ARHGAP39: variants seen among roughly 807,000 people sequenced by gnomAD.
The protein encoded by ARHGAP39 is rho GTPase-activating protein 39.
A neutral mutation model predicts 106.9 loss-of-function variants in ARHGAP39; 44 were observed. That is an observed-to-expected ratio of 0.41 (90% CI 0.32 to 0.53). The LOEUF is 0.53. ARHGAP39 is among the 20% of genes least tolerant of loss of function. The pLI is 0.21. For missense variants in ARHGAP39, 1,496 were observed against 1,577.3 expected (o/e 0.95, Z 0.87); for synonymous variants, 768 against 693.2 (o/e 1.11, Z -1.69).
At chr8:144,691,536 C>A in the ARHGAP39 span, among the ~76,000 whole-genome samples, 2 of 152,166 alleles carry the variant, frequency 1.3e-5, no homozygotes, top group African/African-American at 4.8e-5. Context: ...ACAGTCACAA[C>A]AAGCAATTTA....
intron 1 of ARHGAP39, among the ~76,000 whole-genome samples, chr8:144,617,058 T>C (rs551746592): frequency 3.6e-4 from 54 of 151,988 alleles, no homozygotes; most frequent in African/African-American, 1.3e-3. Flanking sequence ...ATACAAAAAT[T>C]AACTGGGAAT....
In ARHGAP39 at chr8:144,670,664, C is replaced by T. The variant is rs1006700974; in HGVS notation, c.-82+15022G>A. ...CAGGGCTGCCACATGAGCTGATCCC[C>T]ACCATCTTCTCCTGCAGGCCCCAGA... is the stretch of plus-strand genomic sequence containing the variant. On this transcript the variant is annotated intron_variant, in intron 1 of 11. Transcript: ENST00000377307. The surrounding 1 kb of genome is among the most constrained non-coding windows in gnomAD (Gnocchi z 4.4). Among the ~76,000 whole-genome samples the T allele has an allele frequency of 2.6e-5, 4 of 152,128 alleles. No homozygotes were observed. The highest frequency in any genetic ancestry group is 9.7e-5 in the African/African-American group (4 of 41,406).
intron 1 of ARHGAP39, among the ~76,000 whole-genome samples, chr8:144,632,274 G>A (rs904477403): frequency 8.5e-5 from 13 of 152,140 alleles, no homozygotes; most frequent in Admixed American, 5.2e-4. Context: ...CAGGAAAGCC[G>A]TGGAGCCCAC....
intron 4 of ARHGAP39, among the ~76,000 whole-genome samples, chr8:144,549,754 A>G (rs888791876): frequency 6.6e-6 from 1 of 151,940 alleles, no homozygotes; most frequent in Non-Finnish European, 1.5e-5. Context: ...CGGCCTCCCA[A>G]AGTGCTGGGA....
At chr8:144,558,057 A>G (rs1480352192) in intron 3 of ARHGAP39, among the ~76,000 whole-genome samples, 1 of 152,200 alleles carries the variant, frequency 6.6e-6, no homozygotes, top group Non-Finnish European at 1.5e-5. Context: ...TGTGGTGGTG[A>G]CTGGCTGGAA....
intron 3 of ARHGAP39, among the ~76,000 whole-genome samples, chr8:144,558,074 C>T (rs1818012452): frequency 6.6e-6 from 1 of 152,166 alleles, no homozygotes; most frequent in Non-Finnish European, 1.5e-5. Context: ...GGAAACCAAG[C>T]TCACCTTTAT....
At chr8:144,632,657 A>G (rs1821091554) in intron 1 of ARHGAP39, among the ~76,000 whole-genome samples, 1 of 151,662 alleles carries the variant, frequency 6.6e-6, no homozygotes. Context: ...GGCCAAACAC[A>G]CTCTCCAAAG....
At chr8:144,664,658 C>T (rs1042608718) in intron 1 of ARHGAP39, among the ~76,000 whole-genome samples, 1 of 152,154 alleles carries the variant, frequency 6.6e-6, no homozygotes, top group African/African-American at 2.4e-5. Flanking sequence ...GTGTTATTCT[C>T]GCGATAGTGA....
At chr8:144,579,928 G>A (rs920476680) in intron 3 of ARHGAP39, among the ~76,000 whole-genome samples, 1 of 152,006 alleles carries the variant, frequency 6.6e-6, no homozygotes, top group Non-Finnish European at 1.5e-5. Context: ...GGCCAGGCCT[G>A]TCTGCCCTGG....
At chr8:144,568,823 C>T (rs1250982320) in intron 3 of ARHGAP39, among the ~76,000 whole-genome samples, 5 of 151,634 alleles carry the variant, frequency 3.3e-5, no homozygotes, top group African/African-American at 1.2e-4. Context: ...ATTAAGAATC[C>T]AACAAGGGGA....
At chr8:144,606,816 C>A (rs1820309564) in intron 1 of ARHGAP39, among the ~76,000 whole-genome samples, 1 of 151,926 alleles carries the variant, frequency 6.6e-6, no homozygotes, top group African/African-American at 2.4e-5. Context: ...CACTGTAGGT[C>A]TAAATGTTAA....
intron 1 of ARHGAP39, among the ~76,000 whole-genome samples, chr8:144,626,545 CCGGCGGCCCCG>C (rs1402711173): frequency 2.3e-5 from 3 of 127,770 alleles, no homozygotes; most frequent in African/African-American, 9.4e-5. Context: ...AGCCCCTGTC[CCGGCGGCCCCG>C]TTCACGGAGC....
intron 1 of ARHGAP39, among the ~76,000 whole-genome samples, chr8:144,611,833 T>C (rs1820498726): frequency 6.6e-6 from 1 of 151,818 alleles, no homozygotes; most frequent in South Asian, 2.1e-4. Context: ...CTGGGCAACA[T>C]AGCGAGACCC....
intron 4 of ARHGAP39, among the ~76,000 whole-genome samples, chr8:144,550,039 G>A (rs1817635123): frequency 6.6e-6 from 1 of 152,208 alleles, no homozygotes; most frequent in Non-Finnish European, 1.5e-5. Flanking sequence ...TTGGGAGGCT[G>A]AGGCAGGAGG....
chr8:144,655,771 C>T (rs1821678395), intron 1 of ARHGAP39, among the ~76,000 whole-genome samples: 1 of 152,128 alleles, frequency 6.6e-6, no homozygotes, highest in African/African-American at 2.4e-5. Flanking sequence ...GCGCCACTAG[C>T]CACCGAGGTT....
intron 3 of ARHGAP39, among the ~76,000 whole-genome samples, chr8:144,575,049 G>T (rs112331774): frequency 3.9e-5 from 6 of 152,124 alleles, no homozygotes; most frequent in South Asian, 2.1e-4. Context: ...AAATGCCATT[G>T]TAAGACAATG....
At position 144,543,388 on chromosome 8, in the gene ARHGAP39, A is replaced by C. The variant is rs115854848; in HGVS notation, c.2521+1861T>G. Among the ~76,000 whole-genome samples, 620 of 152,252 alleles carry C rather than the reference A, an allele frequency of 4.1e-3. 5 individuals are homozygous for C. The highest frequency in any genetic ancestry group is 0.015 in the African/African-American group (604 of 41,536). ...ATTTGGGAAGGAATGGCCACTGTGTATGTAGAGGCCTCTCTTCTGGGCTCA... is the reference window on the plus strand; with the variant it reads ...ATTTGGGAAGGAATGGCCACTGTGTCTGTAGAGGCCTCTCTTCTGGGCTCA... On this transcript the variant is annotated intron_variant, in intron 6 of 11. Transcript: ENST00000377307.
the ARHGAP39 span, among the ~76,000 whole-genome samples, chr8:144,696,744 A>C: frequency 6.6e-6 from 1 of 152,210 alleles, no homozygotes; most frequent in Non-Finnish European, 1.5e-5. Context: ...AATGTTGTGC[A>C]CTTATCACCA....
rs1816799698 is a variant in ARHGAP39 at position 144,533,178 on chromosome 8, G to A, written c.2836C>T (p.Leu946Phe). 1 of 1,611,340 alleles carries A rather than the reference G, an allele frequency of 6.2e-7. No homozygotes were observed. Among genetic ancestry groups the A allele is most frequent in the African/African-American group, 1.3e-5 (1 of 74,938 alleles). ...TTGAGCGCCAGCACCTCCTCAGAGA[G>A]CCGTGTCTGCACCCAGGGCAGCTGG... ...ERQLPWVQTR[L>F]SEEVLALNGD... The change falls in exon 9 of 12, where the codon CTC (leucine) becomes TTC (phenylalanine). Residue 946 changes from leucine (L) to phenylalanine (F), a missense_variant. Leu to Phe is a conservative substitution (Grantham distance 22, BLOSUM62 0). Coordinates refer to ENST00000377307, the MANE Select transcript of ARHGAP39 (RefSeq NM_025251.3).
Sources: allele counts gnomAD v4.1 joint callset (sites outside exome capture counted in the v4.1 genomes callset), GRCh38; gene constraint gnomAD v4.1.1; non-coding constraint Gnocchi (gnomAD v3.1); transcripts MANE v1.5; gene names NCBI Gene and HGNC (gene_info 2026-07-23, HGNC 2026-07-21).